Variants in PPM1E observed in about 807,000 individuals in gnomAD.
PPM1E encodes the protein protein phosphatase, Mg2+/Mn2+ dependent 1E.
A neutral mutation model predicts 65.9 loss-of-function variants in PPM1E; 20 were observed. That is an observed-to-expected ratio of 0.30 (90% CI 0.21 to 0.44). The LOEUF is 0.44. PPM1E is among the 20% of genes least tolerant of loss of function. PPM1E has a pLI of 1.00. For missense variants in PPM1E, 713 were observed against 953.1 expected (o/e 0.75, Z 3.32); for synonymous variants, 352 against 374.9 (o/e 0.94, Z 0.70).
Position 58,756,380 on chromosome 17 carries a change from CG to C in PPM1E, c.384del (p.Arg129AspfsTer37). 1 of 1,372,788 alleles carries C rather than the reference CG, an allele frequency of 7.3e-7. No homozygotes were observed. The highest frequency in any genetic ancestry group is 1.9e-5 in the South Asian group (1 of 52,446). 85.0% of individuals were successfully genotyped at this position (1,372,788 alleles called of 1,614,324 possible). A position where few individuals can be genotyped will look rare whatever the true frequency, so the allele number is the denominator to read the frequency against. ...PPQLPPLPPL[P>X]RPLSERITRE... ...CAGCTGCCGCCTTTGCCCCCGCTCC[CG>C]CGACCGCTGTCAGAGCGCATCACCC... On this transcript the variant is annotated frameshift_variant, in exon 1 of 7. Coordinates refer to ENST00000308249, the MANE Select transcript of PPM1E (RefSeq NM_014906.5). LOFTEE classifies it high-confidence loss of function.
At chr17:58,780,023 G>A (rs2050036163) in intron 1 of PPM1E, among the ~76,000 whole-genome samples, 1 of 152,086 alleles carries the variant, frequency 6.6e-6, no homozygotes, top group Non-Finnish European at 1.5e-5. Context: ...AATTTTTTGT[G>A]TTACAAAGAA....
chr17:58,889,031 A>T (rs1368938806), intron 1 of PPM1E, among the ~76,000 whole-genome samples: 1 of 152,162 alleles, frequency 6.6e-6, no homozygotes, highest in Non-Finnish European at 1.5e-5. Context: ...TGAAAATTTG[A>T]ATTACATTCT....
At position 58,955,743 on chromosome 17, in the gene PPM1E, A is replaced by T; in HGVS notation, c.559A>T (p.Thr187Ser). 6.2e-7 allele frequency: 1 copy of T among 1,610,868 alleles called. No homozygotes were observed. The highest frequency in any genetic ancestry group is 8.5e-7 in the Non-Finnish European group (1 of 1,179,246). Residue 187 changes from threonine to serine, a missense_variant, in exon 2 of 7, where the codon ACG becomes TCG. By Grantham distance (58) the Thr-to-Ser change is moderately conservative. Transcript: ENST00000308249. ...DLSAHYIPKE[T>S]DGTEGTVEIE... Reference sequence around the variant, plus strand: ...TTCTGCACATTATATCCCAAAGGAAACGGATGGCACAGAAGGGACTGTGGG... The same window carrying T: ...TTCTGCACATTATATCCCAAAGGAATCGGATGGCACAGAAGGGACTGTGGG...
chr17:58,859,652 A>G (rs1388895397), intron 1 of PPM1E, among the ~76,000 whole-genome samples: 1 of 152,254 alleles, frequency 6.6e-6, no homozygotes, highest in Non-Finnish European at 1.5e-5. Flanking sequence ...AAAGTATTTC[A>G]TTGAGCAACC....
rs140695361 is a variant in PPM1E at position 58,929,860 on chromosome 17, T to C, written c.465-25789T>C. Among the ~76,000 whole-genome samples the C allele has an allele frequency of 3.7e-4, 56 of 152,332 alleles. 1 individual carries two copies. The East Asian group carries it at 0.011, about 29-fold the overall frequency. Reference sequence around the variant, plus strand: ...GATACAACTGGGTTTCTTTATGTTATCATGTTATTTTGTTTTACATACATA... The same window carrying C: ...GATACAACTGGGTTTCTTTATGTTACCATGTTATTTTGTTTTACATACATA... On this transcript the variant is annotated intron_variant, in intron 1 of 6. Coordinates refer to ENST00000308249, the MANE Select transcript of PPM1E (RefSeq NM_014906.5).
intron 4 of PPM1E, 128 bp from the exon 5 acceptor site, chr17:58,972,004 A>G (rs1194172353): frequency 4.8e-6 from 4 of 835,728 alleles, no homozygotes; most frequent in Non-Finnish European, 7.2e-6. Flanking sequence ...GAATTATTAT[A>G]TATGTGTGAA....
intron 1 of PPM1E, among the ~76,000 whole-genome samples, chr17:58,874,665 C>A (rs879572490): frequency 1.3e-5 from 2 of 151,954 alleles, no homozygotes; most frequent in Non-Finnish European, 2.9e-5. Context: ...GAAATTATAA[C>A]CTGGTTTGTA....
intron 1 of PPM1E, among the ~76,000 whole-genome samples, chr17:58,810,178 C>G (rs2050352140): frequency 6.6e-6 from 1 of 151,896 alleles, no homozygotes; most frequent in South Asian, 2.1e-4. Context: ...GAGTTTTTGT[C>G]AAGAATAATT....
At chr17:58,784,515 T>G (rs1281031602) in intron 1 of PPM1E, among the ~76,000 whole-genome samples, 1 of 151,750 alleles carries the variant, frequency 6.6e-6, no homozygotes, top group Non-Finnish European at 1.5e-5. Context: ...TTTTTTTTTT[T>G]TTTTGAGACG....
At chr17:58,934,308 C>G (rs1457133379) in intron 1 of PPM1E, among the ~76,000 whole-genome samples, 1 of 151,882 alleles carries the variant, frequency 6.6e-6, no homozygotes, top group Non-Finnish European at 1.5e-5. Flanking sequence ...GTAGTGTGCA[C>G]AAAAAGTTAT....
At chr17:58,807,297 C>T (rs2050325203) in intron 1 of PPM1E, among the ~76,000 whole-genome samples, 1 of 152,062 alleles carries the variant, frequency 6.6e-6, no homozygotes, top group East Asian at 1.9e-4. Flanking sequence ...AATATCAGAA[C>T]TATATCTTGT....
In PPM1E at chr17:58,779,175, A is replaced by ATT. The variant is rs57635808; in HGVS notation, c.464+22730_464+22731dup. On this transcript the variant is annotated intron_variant, in intron 1 of 6. Transcript: ENST00000308249. Reference sequence around the variant, plus strand: ...ACAGTATTAAGGGTAATGAATTCTGATTTTTTTTTTTTTTTTTGAGTCGGA... The same window carrying ATT: ...ACAGTATTAAGGGTAATGAATTCTGATTTTTTTTTTTTTTTTTTTGAGTCGGA... Among the ~76,000 whole-genome samples, 152 of 131,726 alleles carry ATT rather than the reference A, an allele frequency of 1.2e-3. 1 individual carries two copies. Among genetic ancestry groups the ATT allele is most frequent in the African/African-American group, 3.3e-3 (115 of 35,016 alleles). The allele number at this position is 131,726 out of a possible 152,430, so 86.4% of individuals were successfully genotyped here.
intron 1 of PPM1E, among the ~76,000 whole-genome samples, chr17:58,904,844 C>G (rs2051537892): frequency 7.1e-6 from 1 of 140,398 alleles, no homozygotes; most frequent in South Asian, 2.2e-4. Context: ...AACCCCATCT[C>G]TACTAAAAAT....
At position 58,980,305 on chromosome 17, in the gene PPM1E, T is replaced by C; in HGVS notation, c.1542T>C (p.Asp514=). The C allele has an allele frequency of 6.2e-7, 1 of 1,614,036 alleles. No individual in the cohort carries two copies. The highest frequency in any genetic ancestry group is 8.5e-7 in the Non-Finnish European group (1 of 1,180,004). The change falls in exon 7 of 7, where the codon GAT becomes GAC. Residue 514 remains aspartate, a synonymous_variant. Coordinates refer to ENST00000308249, the MANE Select transcript of PPM1E (RefSeq NM_014906.5). The surrounding 1 kb of genome is among the most constrained non-coding windows in gnomAD (Gnocchi z 4.7). ...TENSFQGGQE[D]GGDDKENHGE... is the part of the protein sequence containing the mutation. Reference sequence around the variant, plus strand: ...ACTCTTTTCAAGGAGGGCAAGAAGATGGTGGGGATGATAAGGAGAATCATG... The same window carrying C: ...ACTCTTTTCAAGGAGGGCAAGAAGACGGTGGGGATGATAAGGAGAATCATG...
At chr17:58,902,046 C>T (rs892226576) in intron 1 of PPM1E, among the ~76,000 whole-genome samples, 2 of 151,770 alleles carry the variant, frequency 1.3e-5, no homozygotes, top group Admixed American at 6.6e-5. Context: ...GCTAAAACTT[C>T]CTGTTCTGGA....
At chr17:58,814,782 G>A (rs11869546) in intron 1 of PPM1E, among the ~76,000 whole-genome samples, 5,785 of 152,244 alleles carry the variant, frequency 0.038, 157 homozygotes, top group Non-Finnish European at 0.059. Context: ...ACAGCCATAG[G>A]CAATATGTAA....
At chr17:58,966,409 G>A (rs1490178086) in intron 3 of PPM1E, 13 of 176,578 alleles carry the variant, frequency 7.4e-5, no homozygotes, top group Admixed American at 1.9e-4. Flanking sequence ...TCTCAATAAA[G>A]CAGTTTTGTA....
intron 1 of PPM1E, among the ~76,000 whole-genome samples, chr17:58,868,569 T>C (rs554966550): frequency 0.016 from 644 of 39,386 alleles, 5 homozygotes; most frequent in Non-Finnish European, 0.027. Context: ...ATGTCCAGGC[T>C]TTTTTTTTTT....
At chr17:58,872,670 A>G (rs1245311802) in intron 1 of PPM1E, among the ~76,000 whole-genome samples, 3 of 152,210 alleles carry the variant, frequency 2.0e-5, no homozygotes, top group African/African-American at 4.8e-5. Context: ...GTCATTGTCC[A>G]TTTGTATATC....
Sources: allele counts gnomAD v4.1 joint callset (sites outside exome capture counted in the v4.1 genomes callset), GRCh38; gene constraint gnomAD v4.1.1; non-coding constraint Gnocchi (gnomAD v3.1); transcripts MANE v1.5; gene names NCBI Gene and HGNC (gene_info 2026-07-23, HGNC 2026-07-21).